GRIA1: variants seen among roughly 807,000 people sequenced by gnomAD.
GRIA1 encodes glutamate ionotropic receptor AMPA type subunit 1.
GRIA1 carries 31 observed loss-of-function variants against 99.2 expected under a neutral mutation model. That is an observed-to-expected ratio of 0.31 (90% CI 0.23 to 0.42). The LOEUF (loss-of-function observed/expected upper bound fraction) is 0.42. Among genes scored for constraint, GRIA1 ranks in the 10% least tolerant of loss-of-function variants. The pLI is 1.00. For synonymous variants in GRIA1, 438 were observed against 432.4 expected, an observed-to-expected ratio of 1.01 and a Z score of -0.16; for missense variants, 782 against 1,157.5, an observed-to-expected ratio of 0.68 and a Z score of 4.71.
intron 11 of GRIA1, among the ~76,000 whole-genome samples, chr5:153,737,871 C>T (rs536749907): frequency 6.6e-6 from 1 of 152,246 alleles, no homozygotes; most frequent in Non-Finnish European, 1.5e-5. Flanking sequence ...TACCAGGTAC[C>T]TCGCCTCCTC....
intron 9 of GRIA1, 117 bp downstream of exon 9, chr5:153,698,271 A>G (rs1561778655): frequency 3.7e-6 from 2 of 546,282 alleles, no homozygotes; most frequent in Non-Finnish European, 6.6e-6. Context: ...AATAGATAAA[A>G]GCAGCAAGTC....
intron 2 of GRIA1, among the ~76,000 whole-genome samples, chr5:153,496,880 TTTG>T (rs556657096): frequency 1.3e-5 from 2 of 152,206 alleles, no homozygotes; most frequent in Admixed American, 6.5e-5. Context: ...CCAAATTTTA[TTTG>T]TTTTTTTTTC....
chr5:153,626,496 T>C (rs1181511307), intron 2 of GRIA1, among the ~76,000 whole-genome samples: 5 of 147,092 alleles, frequency 3.4e-5, no homozygotes, highest in Admixed American at 6.7e-5. Flanking sequence ...GTATGTGTTG[T>C]GCTGTTGAAG....
At chr5:153,576,222 A>G (rs1319149708) in intron 2 of GRIA1, among the ~76,000 whole-genome samples, 1 of 152,336 alleles carries the variant, frequency 6.6e-6, no homozygotes, top group East Asian at 1.9e-4. Context: ...AGAATTAAGT[A>G]TGAATTTCTG....
At chr5:153,598,850 G>A (rs1049978178) in intron 2 of GRIA1, among the ~76,000 whole-genome samples, 3 of 151,974 alleles carry the variant, frequency 2.0e-5, no homozygotes, top group East Asian at 3.9e-4. Flanking sequence ...TAAAGCTTCC[G>A]TGGAGTGGGG....
intron 11 of GRIA1, among the ~76,000 whole-genome samples, chr5:153,763,149 A>G (rs971170138): frequency 6.6e-6 from 1 of 152,160 alleles, no homozygotes; most frequent in African/African-American, 2.4e-5. Context: ...CTTGGAGTAA[A>G]CCCTGTCTGC....
intron 8 of GRIA1, among the ~76,000 whole-genome samples, chr5:153,689,205 G>A (rs766372161): frequency 1.3e-5 from 2 of 151,912 alleles, no homozygotes; most frequent in Non-Finnish European, 2.9e-5. Context: ...CTTTCTTTCA[G>A]ATTCTGAGAA....
chr5:153,771,696 C>T (rs1170847716), intron 13 of GRIA1, among the ~76,000 whole-genome samples: 1 of 152,082 alleles, frequency 6.6e-6, no homozygotes, highest in African/African-American at 2.4e-5. Context: ...TAAGATATAA[C>T]AAATAGCCTT....
chr5:153,510,666 G>C (rs1581152078), intron 2 of GRIA1, among the ~76,000 whole-genome samples: 3 of 152,282 alleles, frequency 2.0e-5, no homozygotes, highest in African/African-American at 7.2e-5. Context: ...AAGTATTTGA[G>C]AGACAAAATA....
intron 2 of GRIA1, among the ~76,000 whole-genome samples, chr5:153,596,891 G>A (rs985998): frequency 6.6e-6 from 1 of 152,082 alleles, no homozygotes; most frequent in Admixed American, 6.5e-5. Context: ...TGGTCCCACC[G>A]GCAAGCCGGT....
chr5:153,548,779 A>G lies in GRIA1; in HGVS notation c.220+54714A>G, dbSNP rs578178430. Among the ~76,000 whole-genome samples the G allele has an allele frequency of 5.3e-5, 8 of 152,274 alleles. No individual in the cohort carries two copies. The South Asian group carries it at 1.4e-3, about 28-fold the overall frequency. The stretch of plus-strand genomic sequence containing the variant: ...GATAACCCTCTTATTATGTTGCTAT[A>G]TGTCCCTTTAGACCTGCTATTCATA... On this transcript the variant is annotated intron_variant, in intron 2 of 15. Transcript: ENST00000285900.
At chr5:153,547,413 A>G (rs750930022) in intron 2 of GRIA1, among the ~76,000 whole-genome samples, 1 of 152,160 alleles carries the variant, frequency 6.6e-6, no homozygotes, top group African/African-American at 2.4e-5. Context: ...CTTAAGGAAT[A>G]TTTGCTAAGG....
chr5:153,600,391 CAAAAA>C (rs57395601), intron 2 of GRIA1, among the ~76,000 whole-genome samples: 3 of 51,502 alleles, frequency 5.8e-5, no homozygotes, highest in East Asian at 8.2e-4. Context: ...GACTCCATCT[CAAAAA>C]AAAAAAAAAA....
intron 13 of GRIA1, among the ~76,000 whole-genome samples, chr5:153,779,582 T>C (rs540707735): frequency 6.6e-6 from 1 of 152,306 alleles, no homozygotes; most frequent in Non-Finnish European, 1.5e-5. Context: ...ATTTTTGAGA[T>C]GGAGTTTCAC....
chr5:153,549,883 T>C (rs879606223), intron 2 of GRIA1, among the ~76,000 whole-genome samples: 1 of 152,192 alleles, frequency 6.6e-6, no homozygotes, highest in Non-Finnish European at 1.5e-5. Flanking sequence ...ATTATCCATC[T>C]AGGCATTTGT....
intron 2 of GRIA1, 92 bp from the exon 3 acceptor site, chr5:153,646,836 T>C (rs1352790213): frequency 4.5e-5 from 61 of 1,366,546 alleles, no homozygotes; most frequent in Non-Finnish European, 5.9e-5. Flanking sequence ...AATTGATGGG[T>C]TGGATGGATG....
At chr5:153,550,149 GT>G (rs1298326302) in intron 2 of GRIA1, among the ~76,000 whole-genome samples, 1 of 118,596 alleles carries the variant, frequency 8.4e-6, no homozygotes, top group Non-Finnish European at 2.1e-5. Context: ...TTCAGCAGGT[GT>G]TTTATTTTTT....
At chr5:153,697,232 T>C (rs2149511241) in intron 8 of GRIA1, among the ~76,000 whole-genome samples, 1 of 152,326 alleles carries the variant, frequency 6.6e-6, no homozygotes, top group South Asian at 2.1e-4. Context: ...CACTCACTTG[T>C]CACTTCTGCG....
intron 2 of GRIA1, among the ~76,000 whole-genome samples, chr5:153,548,635 T>A (rs1759828739): frequency 6.6e-6 from 1 of 152,208 alleles, no homozygotes; most frequent in South Asian, 2.1e-4. Flanking sequence ...TTGTGTGTTA[T>A]TGTTATAAAA....
Sources: gnomAD v4.1 joint callset for allele counts (sites outside exome capture counted in the v4.1 genomes callset) on GRCh38, gnomAD v4.1.1 for gene constraint, MANE v1.5 for transcripts, NCBI Gene and HGNC (gene_info 2026-07-23, HGNC 2026-07-21) for gene names.